The following TBL1XR1 variants were observed in gnomAD, a reference collection of about 807,000 sequenced individuals.
The protein encoded by TBL1XR1 is TBL1X/Y related 1.
Under a neutral mutation model 66.9 loss-of-function variants are expected in TBL1XR1, and 5 were observed. That is an observed-to-expected ratio of 0.07 (90% CI 0.04 to 0.16). TBL1XR1 has a LOEUF of 0.16. TBL1XR1 is among the 10% of genes least tolerant of loss of function. The pLI is 1.00. For synonymous variants in TBL1XR1, 210 were observed against 206.0 expected, an observed-to-expected ratio of 1.02 and a Z score of -0.17; for missense variants, 238 against 623.2, an observed-to-expected ratio of 0.38 and a Z score of 6.58.
rs184071808 is a variant in TBL1XR1, at chr3:177,174,295, G to A, written c.-122+22826C>T. 2.2e-3 allele frequency among the ~76,000 whole-genome samples: 329 copies of A among 150,324 alleles called. 1 individual carries two copies. Among genetic ancestry groups the A allele is most frequent in the Non-Finnish European group, 4.2e-3 (287 of 67,814 alleles). On this transcript the variant is annotated intron_variant, in intron 1 of 15. Transcript: ENST00000457928. ...GGAGTGGCAAGCACCTGTAGTCCCA[G>A]CTACTGGGGAGGCTGAGGCAGAAGA...
intron 1 of TBL1XR1, among the ~76,000 whole-genome samples, chr3:177,162,911 T>C (rs1732394881): frequency 6.6e-6 from 1 of 152,214 alleles, no homozygotes; most frequent in Non-Finnish European, 1.5e-5. Flanking sequence ...AACACTATGT[T>C]GGCAAGAACA....
intron 1 of TBL1XR1, among the ~76,000 whole-genome samples, chr3:177,102,603 A>G (rs1724363402): frequency 6.6e-6 from 1 of 152,230 alleles, no homozygotes; most frequent in Non-Finnish European, 1.5e-5. Context: ...GTATTAAAGG[A>G]ATTCAAGTCC....
At chr3:177,168,463 G>C (rs1441700836) in intron 1 of TBL1XR1, among the ~76,000 whole-genome samples, 7 of 152,028 alleles carry the variant, frequency 4.6e-5, no homozygotes, top group Non-Finnish European at 1.5e-5. Flanking sequence ...TTTATTTTTA[G>C]TAGAGGCGGG....
intron 2 of TBL1XR1, among the ~76,000 whole-genome samples, chr3:177,084,521 T>C (rs182237763): frequency 3.9e-5 from 6 of 152,380 alleles, no homozygotes; most frequent in African/African-American, 1.4e-4. Context: ...GAGTATTCCA[T>C]TGTACACATA....
intron 1 of TBL1XR1, among the ~76,000 whole-genome samples, chr3:177,136,888 A>G (rs1455184472): frequency 6.6e-6 from 1 of 152,180 alleles, no homozygotes. Context: ...ACTAAAGACA[A>G]TTACTCAATA....
Position 177,157,661 on chromosome 3 carries a change from T to C in TBL1XR1, c.-122+39460A>G, listed in dbSNP as rs199596065. On this transcript the variant is annotated intron_variant, in intron 1 of 15. Coordinates refer to ENST00000457928, the MANE Select transcript of TBL1XR1 (RefSeq NM_024665.7). ...TCTGGGAATTAGAGTATGGATGTCT[T>C]AGAGGGATCTTTATTCTCCCTACCA... 2.0e-5 allele frequency among the ~76,000 whole-genome samples: 3 copies of C among 152,148 alleles called. No homozygotes were observed. In the East Asian group the frequency reaches 5.8e-4, roughly 29 times the overall value.
At chr3:177,183,041 C>T (rs1047734856) in intron 1 of TBL1XR1, among the ~76,000 whole-genome samples, 2 of 152,060 alleles carry the variant, frequency 1.3e-5, no homozygotes, top group African/African-American at 4.8e-5. Context: ...CTTATGTATG[C>T]CTTACAAAAT....
chr3:177,098,784 C>T (rs1406875084), intron 1 of TBL1XR1, among the ~76,000 whole-genome samples: 1 of 152,140 alleles, frequency 6.6e-6, no homozygotes, highest in Non-Finnish European at 1.5e-5. Context: ...CAAAGAGATT[C>T]ATCTGCACAC....
intron 2 of TBL1XR1, among the ~76,000 whole-genome samples, chr3:177,079,287 G>C (rs1401164547): frequency 6.6e-6 from 1 of 151,630 alleles, no homozygotes; most frequent in Non-Finnish European, 1.5e-5. Context: ...CAAAAAATTA[G>C]TTGGGCGTGG....
At chr3:177,102,252 G>A (rs1028534890) in intron 1 of TBL1XR1, among the ~76,000 whole-genome samples, 1 of 152,182 alleles carries the variant, frequency 6.6e-6, no homozygotes, top group African/African-American at 2.4e-5. Flanking sequence ...CCACAATAGT[G>A]ATTTAATAGT....
intron 1 of TBL1XR1, among the ~76,000 whole-genome samples, chr3:177,154,763 A>C (rs1221665653): frequency 6.6e-6 from 1 of 152,188 alleles, no homozygotes; most frequent in Admixed American, 6.5e-5. Flanking sequence ...GTAAATAATA[A>C]AACTAAAAAT....
chr3:177,092,542 T>G (rs1374423827), intron 2 of TBL1XR1, among the ~76,000 whole-genome samples: 1 of 152,144 alleles, frequency 6.6e-6, no homozygotes. Context: ...TCAGAAAAAT[T>G]GAAGCTAAGT....
chr3:177,081,431 T>G (rs190448712), intron 2 of TBL1XR1, among the ~76,000 whole-genome samples: 49 of 152,288 alleles, frequency 3.2e-4, no homozygotes, highest in African/African-American at 1.0e-3. Flanking sequence ...GTCCATCATT[T>G]TTTTCAGAGA....
upstream of TBL1XR1, among the ~76,000 whole-genome samples, chr3:177,200,201 AC>A (rs1737312280): frequency 6.6e-6 from 1 of 152,016 alleles, no homozygotes; most frequent in African/African-American, 2.4e-5. Context: ...CAAACTCCCG[AC>A]CTCAAGTCAT....
At chr3:177,198,021 G>T (rs1737147829), upstream of TBL1XR1, among the ~76,000 whole-genome samples, 1 of 151,836 alleles carries the variant, frequency 6.6e-6, no homozygotes, top group African/African-American at 2.4e-5. Flanking sequence ...CGGCGGCGTT[G>T]GGGGCTGGGC....
chr3:177,147,949 A>AG (rs1730447097), intron 1 of TBL1XR1, among the ~76,000 whole-genome samples: 1 of 152,252 alleles, frequency 6.6e-6, no homozygotes, highest in Non-Finnish European at 1.5e-5. Context: ...CACATTTCAC[A>AG]GGGGACACAG....
intron 6 of TBL1XR1, 43 bp downstream of exon 6, chr3:177,050,435 A>C: frequency 6.2e-7 from 1 of 1,603,532 alleles, no homozygotes; most frequent in South Asian, 1.1e-5. Flanking sequence ...AATGTTCAAT[A>C]AGATATTTTT....
rs184286464 is a variant in TBL1XR1 at position 177,164,745 on chromosome 3, C to G, written c.-122+32376G>C. On this transcript the variant is annotated intron_variant, in intron 1 of 15. Transcript: ENST00000457928. Reference sequence around the variant, plus strand: ...AACTGAAAGAATATTGTTAAAATGTCCATACTACCCAAAGTTATCTGCAGA... The same window carrying G: ...AACTGAAAGAATATTGTTAAAATGTGCATACTACCCAAAGTTATCTGCAGA... Among the ~76,000 whole-genome samples the G allele has an allele frequency of 1.6e-4, 25 of 152,238 alleles. No individual in the cohort carries two copies. In the Middle Eastern group the frequency reaches 0.014, roughly 83 times the overall value.
chr3:177,053,422 C>T (rs140273554), intron 4 of TBL1XR1, among the ~76,000 whole-genome samples: 3 of 152,298 alleles, frequency 2.0e-5, no homozygotes, highest in Non-Finnish European at 4.4e-5. Flanking sequence ...GCTTCAATTA[C>T]AAACTGGTTT....
Sources: allele counts gnomAD v4.1 joint callset (sites outside exome capture counted in the v4.1 genomes callset), GRCh38; gene constraint gnomAD v4.1.1; transcripts MANE v1.5; gene names NCBI Gene and HGNC (gene_info 2026-07-23, HGNC 2026-07-21).